Variants in TERB1 observed in about 807,000 individuals in gnomAD.
The protein encoded by TERB1 is telomere repeats-binding bouquet formation protein 1.
TERB1 carries 63 observed loss-of-function variants against 92.3 expected under a neutral mutation model. The observed-to-expected ratio is 0.68, with a 90% confidence interval of 0.56 to 0.84. The LOEUF is 0.84. TERB1 is among the 40% of genes least tolerant of loss of function. The pLI, the probability that TERB1 is intolerant of heterozygous loss-of-function variation, is 0.00. For synonymous variants in TERB1, 252 were observed against 283.9 expected (o/e 0.89, Z 1.13); for missense variants, 709 against 843.7 (o/e 0.84, Z 1.98).
intron 4 of TERB1, 66 bp from the exon 5 acceptor site, chr16:66,790,789 C>T (rs1231219842): frequency 7.3e-6 from 11 of 1,503,420 alleles, no homozygotes; most frequent in Non-Finnish European, 9.0e-6. Flanking sequence ...AAATAAATCA[C>T]ATGAAGACGT....
Position 66,801,046 on chromosome 16 carries a change from C to G in TERB1, c.-102G>C, listed in dbSNP as rs191913461. On this transcript the variant is annotated 5_prime_UTR_variant, in exon 2 of 19. Transcript: ENST00000433154. ...TCCAGGCTCCTCTCTGACCAGGGCT[C>G]GCAAGTCCTGCGTGGGAGCAGGACA... The G allele has an allele frequency of 6.6e-6, 1 of 152,376 alleles. No individual in the cohort carries two copies. Among genetic ancestry groups the G allele is most frequent in the Non-Finnish European group, 1.5e-5 (1 of 68,180 alleles). The allele number at this position is 152,376 out of a possible 1,614,324, so 9.4% of individuals were successfully genotyped here.
intron 9 of TERB1, 78 bp from the exon 10 acceptor site, chr16:66,779,093 A>G: frequency 9.1e-7 from 1 of 1,101,066 alleles, no homozygotes; most frequent in Non-Finnish European, 1.2e-6. Context: ...ATCTGCATTA[A>G]ATATAACATT....
chr16:66,761,152 AAAT>A (rs1203412487), intron 16 of TERB1, among the ~76,000 whole-genome samples: 7 of 150,474 alleles, frequency 4.7e-5, no homozygotes, highest in African/African-American at 1.7e-4. Flanking sequence ...AGAAAAAAGA[AAAT>A]AAAAAGAGCA....
At chr16:66,800,665 C>T (rs117658310) in intron 2 of TERB1, among the ~76,000 whole-genome samples, 4,817 of 152,080 alleles carry the variant, frequency 0.032, 106 homozygotes, top group Non-Finnish European at 0.046. Context: ...TGTTTTTTGT[C>T]AGCGGATATC....
chr16:66,778,067 A>G (rs1032535897), intron 10 of TERB1, among the ~76,000 whole-genome samples: 3 of 152,282 alleles, frequency 2.0e-5, no homozygotes, highest in Admixed American at 6.5e-5. Context: ...GAATAATAAT[A>G]GAGTTTCTTA....
chr16:66,793,880 G>T (rs1459966019), intron 3 of TERB1, among the ~76,000 whole-genome samples: 1 of 152,048 alleles, frequency 6.6e-6, no homozygotes, highest in African/African-American at 2.4e-5. Flanking sequence ...GACAAAATTT[G>T]TTAGTGAAAA....
At chr16:66,794,495 G>C (rs1300080172) in intron 3 of TERB1, among the ~76,000 whole-genome samples, 4 of 152,004 alleles carry the variant, frequency 2.6e-5, no homozygotes, top group Non-Finnish European at 5.9e-5. Context: ...CCCAGCCAAA[G>C]CATCTCCTGA....
intron 9 of TERB1, among the ~76,000 whole-genome samples, chr16:66,783,027 A>T (rs2018664470): frequency 6.6e-6 from 1 of 151,612 alleles, no homozygotes; most frequent in Non-Finnish European, 1.5e-5. Flanking sequence ...TAGTTTTTAA[A>T]TTTTTCTGTA....
intron 3 of TERB1, among the ~76,000 whole-genome samples, 186 bp downstream of exon 3, chr16:66,796,582 T>C (rs2018932656): frequency 6.6e-6 from 1 of 152,244 alleles, no homozygotes; most frequent in African/African-American, 2.4e-5. Flanking sequence ...TAATTGTCAG[T>C]ATGTCTTTTC....
intron 3 of TERB1, among the ~76,000 whole-genome samples, chr16:66,793,208 T>C (rs1207733733): frequency 6.8e-6 from 1 of 147,496 alleles, no homozygotes; most frequent in Non-Finnish European, 1.5e-5. Context: ...GTTTTGTGGT[T>C]TGGTTTTTTT....
chr16:66,768,437 A>G (rs1298463955), intron 14 of TERB1, among the ~76,000 whole-genome samples: 1 of 152,214 alleles, frequency 6.6e-6, no homozygotes, highest in African/African-American at 2.4e-5. Flanking sequence ...AAAAGAAGGA[A>G]GTAGGAGAGA....
At chr16:66,759,558 G>C (rs544675702) in intron 16 of TERB1, among the ~76,000 whole-genome samples, 1 of 152,118 alleles carries the variant, frequency 6.6e-6, no homozygotes, top group Non-Finnish European at 1.5e-5. Context: ...CCAGCACTTT[G>C]GGAGGCCAAG....
chr16:66,765,103 C>G (rs1354805059), intron 16 of TERB1, among the ~76,000 whole-genome samples: 2 of 152,182 alleles, frequency 1.3e-5, no homozygotes, highest in Admixed American at 1.3e-4. Flanking sequence ...AGACTGAGTT[C>G]TATTCATCTT....
chr16:66,797,767 T>G (rs1428682790), intron 2 of TERB1, among the ~76,000 whole-genome samples: 1 of 149,772 alleles, frequency 6.7e-6, no homozygotes, highest in Non-Finnish European at 1.5e-5. Flanking sequence ...ATGTCCAGAC[T>G]GGTCTCCTGA....
chr16:66,760,986 C>A (rs1313536992), intron 16 of TERB1, among the ~76,000 whole-genome samples: 3 of 145,706 alleles, frequency 2.1e-5, no homozygotes, highest in African/African-American at 5.1e-5. Context: ...GTGGTGGGTG[C>A]CTGTAGTCCC....
At chr16:66,762,755 C>T (rs1177952657) in intron 16 of TERB1, among the ~76,000 whole-genome samples, 2 of 151,962 alleles carry the variant, frequency 1.3e-5, no homozygotes, top group African/African-American at 4.8e-5. Flanking sequence ...ATGATCTCAG[C>T]TCACTACAAC....
intron 16 of TERB1, among the ~76,000 whole-genome samples, chr16:66,761,465 A>AAAAG (rs1555507526): frequency 5.4e-4 from 81 of 149,182 alleles, no homozygotes; most frequent in African/African-American, 1.8e-3. Context: ...AAAAAAAAAA[A>AAAAG]AAAGAAAGAA....
chr16:66,788,892 GCA>G (rs1414833992), intron 5 of TERB1, among the ~76,000 whole-genome samples: 2 of 151,654 alleles, frequency 1.3e-5, no homozygotes, highest in African/African-American at 2.4e-5. Flanking sequence ...ACTAAGCCAG[GCA>G]CAGAAAGACA....
rs983733953 is a variant in TERB1 at position 66,800,980 on chromosome 16, C to A, written c.-36G>T. On this transcript the variant is annotated 5_prime_UTR_variant, in exon 2 of 19. Coordinates refer to ENST00000433154, the MANE Select transcript of TERB1 (RefSeq NM_001136505.2). ...ATTCAGCCTGCGGCCCGCTCACCTA[C>A]AGAGTTGGATGAATTCCTTGTGCAG... The A allele has an allele frequency of 2.0e-5, 3 of 152,448 alleles. No homozygotes were observed. Among genetic ancestry groups the A allele is most frequent in the African/African-American group, 7.2e-5 (3 of 41,474 alleles). 9.4% of individuals were successfully genotyped at this position (152,448 alleles called of 1,614,324 possible). A position where few individuals can be genotyped will look rare whatever the true frequency, so the allele number is the denominator to read the frequency against.
Sources: allele counts gnomAD v4.1 joint callset (sites outside exome capture counted in the v4.1 genomes callset), GRCh38; gene constraint gnomAD v4.1.1; transcripts MANE v1.5; gene names NCBI Gene and HGNC (gene_info 2026-07-23, HGNC 2026-07-21).